Variants in CSMD3 observed in about 807,000 individuals in gnomAD.
CSMD3 encodes the protein CUB and Sushi multiple domains 3.
Under a neutral mutation model 435.2 loss-of-function variants are expected in CSMD3, and 177 were observed. That is an observed-to-expected ratio of 0.41 (90% CI 0.36 to 0.46). The LOEUF (loss-of-function observed/expected upper bound fraction) is 0.46, where lower values mean the gene tolerates loss of function less well. Among genes scored for constraint, CSMD3 ranks in the 20% least tolerant of loss-of-function variants. The pLI is 0.34. For missense variants in CSMD3, 4,265 were observed against 4,504.6 expected (o/e 0.95, Z 1.52); for synonymous variants, 1,656 against 1,520.5 (o/e 1.09, Z -2.07).
At chr8:112,884,229 A>C (rs569459331) in intron 10 of CSMD3, among the ~76,000 whole-genome samples, 15 of 151,922 alleles carry the variant, frequency 9.9e-5, no homozygotes, top group South Asian at 2.1e-4. Flanking sequence ...CTCAGAGCAA[A>C]ATACAATTGC....
chr8:112,916,439 A>G (rs1387417582), intron 10 of CSMD3, among the ~76,000 whole-genome samples: 5 of 151,830 alleles, frequency 3.3e-5, no homozygotes, highest in Non-Finnish European at 2.9e-5. Context: ...ATGGTTTAAT[A>G]AAGCTTCACA....
intron 3 of CSMD3, among the ~76,000 whole-genome samples, chr8:113,249,842 A>G (rs1024875561): frequency 6.6e-6 from 1 of 152,046 alleles, no homozygotes; most frequent in Non-Finnish European, 1.5e-5. Flanking sequence ...ATTCAAGAAA[A>G]AAAAAAACAA....
intron 1 of CSMD3, among the ~76,000 whole-genome samples, chr8:113,344,505 T>A (rs1263530267): frequency 6.6e-6 from 1 of 152,158 alleles, no homozygotes; most frequent in Non-Finnish European, 1.5e-5. Context: ...TGCTTCGAAA[T>A]AATGTGAAAT....
chr8:113,033,493 T>C (rs1430847061), intron 5 of CSMD3, among the ~76,000 whole-genome samples: 3 of 151,658 alleles, frequency 2.0e-5, no homozygotes, highest in African/African-American at 7.2e-5. Context: ...TTTTGATAAA[T>C]TTCTCATACT....
rs2078928364 is a variant in CSMD3 at position 112,800,207 on chromosome 8, T to C, written c.1927A>G (p.Thr643Ala). Residue 643 changes from threonine to alanine, a missense_variant, in exon 13 of 71, where the codon ACG becomes GCG. By Grantham distance (58) the Thr-to-Ala change is moderately conservative. Around this residue, in one of 3 missense-constraint regions of CSMD3, gnomAD observed 279 missense variants for 369.0 expected, o/e 0.76. Coordinates refer to ENST00000297405, the MANE Select transcript of CSMD3 (RefSeq NM_198123.2). ...CCAACAGATCCAACACTTTCGTCCG[T>C]TTGAAGGTGCAGCCACATTTGGCTA... is the stretch of plus-strand genomic sequence containing the variant. ...MSSQMWLHLQ[T>A]DESVGSVGFK... is the part of the protein sequence containing the mutation. 1 of 1,612,850 alleles carries C rather than the reference T, an allele frequency of 6.2e-7. No homozygotes were observed. The highest frequency in any genetic ancestry group is 8.5e-7 in the Non-Finnish European group (1 of 1,179,160).
At position 112,237,281 on chromosome 8, in the gene CSMD3, T is replaced by C. The variant is rs1813675884; in HGVS notation, c.10536A>G (p.Gln3512=). Residue 3512 remains glutamine, a synonymous_variant, in exon 67 of 71, where the codon CAA becomes CAG. Transcript: ENST00000297405. Reference sequence around the variant, plus strand: ...AACTAGTAACTGTTAAGGTCATGGGTTGTTTCCTTCCTTTGAAATTGTAAG... The same window carrying C: ...AACTAGTAACTGTTAAGGTCATGGGCTGTTTCCTTCCTTTGAAATTGTAAG... ...KGSYNFKGRK[Q]PMTLTVTSFN... The C allele has an allele frequency of 6.2e-7, 1 of 1,613,356 alleles. No individual in the cohort carries two copies.
chr8:112,278,166 G>T (rs1372246817), intron 59 of CSMD3, among the ~76,000 whole-genome samples: 1 of 152,156 alleles, frequency 6.6e-6, no homozygotes, highest in East Asian at 1.9e-4. Flanking sequence ...CAGAGCAACT[G>T]GCAGTGAGTA....
intron 11 of CSMD3, among the ~76,000 whole-genome samples, chr8:112,857,952 A>C (rs2080711649): frequency 1.3e-5 from 2 of 151,716 alleles, no homozygotes; most frequent in African/African-American, 4.8e-5. Flanking sequence ...TCCTTCATGC[A>C]ACTGAGGGGT....
chr8:112,620,509 G>A (rs1833984392), intron 22 of CSMD3, among the ~76,000 whole-genome samples: 1 of 152,140 alleles, frequency 6.6e-6, no homozygotes, highest in Admixed American at 6.6e-5. Context: ...TGAGAGAGCA[G>A]TCATGTACTT....
chr8:113,383,112 C>T (rs1278517767), intron 1 of CSMD3, among the ~76,000 whole-genome samples: 2 of 152,084 alleles, frequency 1.3e-5, no homozygotes, highest in Non-Finnish European at 2.9e-5. Flanking sequence ...GGAATGGACA[C>T]TGCAGAGAGG....
chr8:112,402,430 A>T (rs1831422574), intron 35 of CSMD3, among the ~76,000 whole-genome samples: 1 of 152,192 alleles, frequency 6.6e-6, no homozygotes, highest in Non-Finnish European at 1.5e-5. Flanking sequence ...AGTTCTTGGC[A>T]TATGTAGGTT....
intron 15 of CSMD3, among the ~76,000 whole-genome samples, chr8:112,684,208 C>G (rs1372572148): frequency 6.6e-6 from 1 of 151,900 alleles, no homozygotes; most frequent in South Asian, 2.1e-4. Flanking sequence ...TATCTTTAGA[C>G]ATGTACATGA....
chr8:112,453,640 A>G (rs1156959556), intron 32 of CSMD3, among the ~76,000 whole-genome samples: 1 of 152,238 alleles, frequency 6.6e-6, no homozygotes, highest in Non-Finnish European at 1.5e-5. Context: ...AAAATATTCC[A>G]TGCTCATAGA....
intron 5 of CSMD3, among the ~76,000 whole-genome samples, chr8:113,020,165 G>A (rs1232757050): frequency 4.1e-5 from 3 of 73,212 alleles, no homozygotes; most frequent in African/African-American, 1.6e-4. Flanking sequence ...GCGAGACTCC[G>A]TCTCAAAAAA....
chr8:112,679,594 C>A (rs536535202), intron 16 of CSMD3, among the ~76,000 whole-genome samples: 1 of 152,224 alleles, frequency 6.6e-6, no homozygotes, highest in South Asian at 2.1e-4. Flanking sequence ...AAGTTAAATA[C>A]CATTTGTTTT....
intron 13 of CSMD3, among the ~76,000 whole-genome samples, chr8:112,719,983 C>G (rs1034083638): frequency 6.6e-6 from 1 of 152,166 alleles, no homozygotes; most frequent in Non-Finnish European, 1.5e-5. Context: ...AGACGAAGAA[C>G]CTATCTTTCT....
At chr8:112,462,804 A>T (rs1817584438) in intron 32 of CSMD3, among the ~76,000 whole-genome samples, 1 of 152,190 alleles carries the variant, frequency 6.6e-6, no homozygotes, top group African/African-American at 2.4e-5. Context: ...ATATCTGGGC[A>T]AGCTGATTAG....
Position 112,224,338 on chromosome 8 carries a change from T to C in CSMD3, c.*433A>G, listed in dbSNP as rs1812383821. ...GAAAGACAGATTTGTGGGCGTGATGTAGCTCAGGACAGTTAAAGAGAAGTC... is the reference window on the plus strand; with the variant it reads ...GAAAGACAGATTTGTGGGCGTGATGCAGCTCAGGACAGTTAAAGAGAAGTC... On this transcript the variant is annotated 3_prime_UTR_variant, in exon 71 of 71. Coordinates refer to ENST00000297405, the MANE Select transcript of CSMD3 (RefSeq NM_198123.2). 1 of 178,152 alleles carries C rather than the reference T, an allele frequency of 5.6e-6. No homozygotes were observed. The highest frequency in any genetic ancestry group is 1.2e-5 in the Non-Finnish European group (1 of 82,278). 11.0% of individuals were successfully genotyped at this position (178,152 alleles called of 1,614,324 possible).
At chr8:113,427,008 C>T (rs1339129534) in intron 1 of CSMD3, among the ~76,000 whole-genome samples, 1 of 151,022 alleles carries the variant, frequency 6.6e-6, no homozygotes, top group Non-Finnish European at 1.5e-5. Context: ...ATGACTAATA[C>T]AAATGAGGAC....
Sources: gnomAD v4.1 joint callset for allele counts (sites outside exome capture counted in the v4.1 genomes callset) on GRCh38, gnomAD v4.1.1 for gene constraint, gnomAD v4.1.1 regional missense constraint, MANE v1.5 for transcripts, NCBI Gene and HGNC (gene_info 2026-07-23, HGNC 2026-07-21) for gene names.